KEAP1: variants seen among roughly 807,000 people sequenced by gnomAD.
The protein encoded by KEAP1 is kelch like ECH associated protein 1, also known as kelch-like ECH-associated protein 1.
KEAP1 carries 26 observed loss-of-function variants against 59.7 expected under a neutral mutation model. That is an observed-to-expected ratio of 0.44 (90% CI 0.32 to 0.60). The LOEUF (loss-of-function observed/expected upper bound fraction) is 0.60, where lower values mean the gene tolerates loss of function less well. Ranked by LOEUF, KEAP1 falls within the 20% of genes least tolerant of loss-of-function variation. The probability of loss-of-function intolerance (pLI) is 0.06; values close to 1 mark genes in which losing one functional copy is unlikely to be tolerated. For synonymous variants in KEAP1, 350 were observed against 358.3 expected (o/e 0.98, Z 0.26); for missense variants, 539 against 871.4 (o/e 0.62, Z 4.80).
At position 10,489,636 on chromosome 19, in the gene KEAP1, G is replaced by A. The variant is rs1440265126; in HGVS notation, c.1531+12C>T. 7 of 1,612,762 alleles carry A rather than the reference G, an allele frequency of 4.3e-6. No individual in the cohort carries two copies. The highest frequency in any genetic ancestry group is 4.5e-5 in the East Asian group (2 of 44,886). On this transcript the variant is annotated intron_variant, in intron 4 of 5. Transcript: ENST00000171111. ...GTTCCTGGGTGCTCCCCTCCCTACC[G>A]TCCCCACCCACCTGCCCCGCTTCGG...
chr19:10,493,557 C>CTTTTT (rs756608531), intron 2 of KEAP1, among the ~76,000 whole-genome samples: 12 of 96,292 alleles, frequency 1.2e-4, no homozygotes, highest in Non-Finnish European at 1.6e-4. Flanking sequence ...GTCTCAAACT[C>CTTTTT]TTTTTTTTTT....
rs554294075 is a variant in KEAP1 at position 10,489,796 on chromosome 19, G to A, written c.1383C>T (p.Ile461=). 1.1e-5 allele frequency: 18 copies of A among 1,614,002 alleles called. No homozygotes were observed. The highest frequency in any genetic ancestry group is 5.3e-5 in the African/African-American group (4 of 75,044). ...HLVAPMLTRR[I]GVGVAVLNRL... ...GATTGAGGACAGCCACGCCCACCCC[G>A]ATCCTTCGTGTCAGCATTGGGGCCA... The change falls in exon 4 of 6, where the codon ATC becomes ATT. Residue 461 remains isoleucine, a synonymous_variant. Coordinates refer to ENST00000171111, the MANE Select transcript of KEAP1 (RefSeq NM_203500.2).
At position 10,492,057 on chromosome 19, in the gene KEAP1, T is replaced by A; in HGVS notation, c.845A>T (p.Gln282Leu). The A allele has an allele frequency of 6.2e-7, 1 of 1,614,060 alleles. No individual in the cohort carries two copies. The highest frequency in any genetic ancestry group is 8.5e-7 in the Non-Finnish European group (1 of 1,180,044). ...GATCTCGCACTTCTGCAGCTGCATC[T>A]GCAGGAAGTTCGGCGTCAACGAGTG... is the stretch of plus-strand genomic sequence containing the variant. ...RCHSLTPNFL[Q>L]MQLQKCEILQ... Residue 282 changes from glutamine to leucine, a missense_variant, in exon 3 of 6, where the codon CAG (glutamine) becomes CTG (leucine). Transcript: ENST00000171111.
chr19:10,488,542 G>T (rs1266569609), intron 5 of KEAP1, among the ~76,000 whole-genome samples: 1 of 151,882 alleles, frequency 6.6e-6, no homozygotes, highest in African/African-American at 2.4e-5. Context: ...AAACCAGGAG[G>T]CGGAGGTTGC....
Position 10,486,495 on chromosome 19 carries a change from T to TTC in KEAP1, c.*155_*156dup. On this transcript the variant is annotated 3_prime_UTR_variant, in exon 6 of 6. Transcript: ENST00000171111. The stretch of plus-strand genomic sequence containing the variant: ...GGGGCACATGATTCCCGCTTTGGAC[T>TTC]TCTTTTGAGATGTCATTTTAACACT... The TTC allele has an allele frequency of 1.3e-6, 1 of 764,196 alleles. No homozygotes were observed. Among genetic ancestry groups the TTC allele is most frequent in the Non-Finnish European group, 2.2e-6 (1 of 459,994 alleles). The allele number at this position is 764,196 out of a possible 1,614,324, so 47.3% of individuals were successfully genotyped here.
intron 3 of KEAP1, chr19:10,490,336 CTTTT>C (rs60137738): frequency 7.1e-4 from 70 of 98,082 alleles, no homozygotes; most frequent in Non-Finnish European, 1.1e-3. Context: ...AAGCTTCAAA[CTTTT>C]TTTTTTTTTT....
chr19:10,489,140 A>G (rs2144585455), intron 5 of KEAP1, 52 bp downstream of exon 5: 1 of 1,262,486 alleles, frequency 7.9e-7, no homozygotes. Context: ...AAGCAAAAGC[A>G]GTCCACAAAA....
At chr19:10,493,807 C>T (rs186993891) in intron 2 of KEAP1, among the ~76,000 whole-genome samples, 6 of 151,632 alleles carry the variant, frequency 4.0e-5, no homozygotes, top group African/African-American at 1.5e-4. Context: ...GTGATCCGCC[C>T]GCCTCGGCCT....
chr19:10,500,133 C>A (rs1410056431), intron 1 of KEAP1, 53 bp from the exon 2 acceptor site: 25 of 1,282,352 alleles, frequency 1.9e-5, no homozygotes, highest in Non-Finnish European at 2.5e-5. Flanking sequence ...TGGGCCAGCA[C>A]CTGCCGGGCC....
intron 2 of KEAP1, among the ~76,000 whole-genome samples, chr19:10,492,907 T>C (rs1914722581): frequency 6.8e-6 from 1 of 147,724 alleles, no homozygotes; most frequent in African/African-American, 2.5e-5. Flanking sequence ...CTGCAACCTC[T>C]GCCTCCCAGG....
chr19:10,498,383 T>C (rs1171335881), intron 2 of KEAP1, among the ~76,000 whole-genome samples: 1 of 151,764 alleles, frequency 6.6e-6, no homozygotes, highest in Non-Finnish European at 1.5e-5. Context: ...TTTTTTGTAT[T>C]TTTATTAGAG....
In KEAP1 at chr19:10,491,154, G is replaced by T. The variant is rs1914653895; in HGVS notation, c.1325+423C>A. On this transcript the variant is annotated intron_variant, in intron 3 of 5. Coordinates refer to ENST00000171111, the MANE Select transcript of KEAP1 (RefSeq NM_203500.2). The surrounding 1 kb of genome is among the most constrained non-coding windows in gnomAD (Gnocchi z 5.2). ...GAATCACTTGAACCTGGGAGGCGAG[G>T]TTGCAGTGACCCAAGATGCACTCCA... Among the ~76,000 whole-genome samples the T allele has an allele frequency of 6.6e-6, 1 of 152,008 alleles. No homozygotes were observed. Among genetic ancestry groups the T allele is most frequent in the Admixed American group, 6.6e-5 (1 of 15,234 alleles).
In KEAP1 at chr19:10,489,731, C is replaced by T. The variant is rs867398451; in HGVS notation, c.1448G>A (p.Arg483His). Residue 483 changes from arginine (R) to histidine (H), a missense_variant, in exon 4 of 6, where the codon CGC becomes CAC. Transcript: ENST00000171111. The stretch of plus-strand genomic sequence containing the variant: ...GTAGTAACACTCAGCTGAATTAAGG[C>T]GGTTTGTCCCGTCAAAGCCCCCCAC... ...YAVGGFDGTN[R>H]LNSAECYYPE... 3.1e-6 allele frequency: 5 copies of T among 1,613,942 alleles called. No individual in the cohort carries two copies. Among genetic ancestry groups the T allele is most frequent in the Non-Finnish European group, 4.2e-6 (5 of 1,180,034 alleles).
At chr19:10,501,348 G>C (rs571686744) in intron 1 of KEAP1, among the ~76,000 whole-genome samples, 1 of 151,384 alleles carries the variant, frequency 6.6e-6, no homozygotes, top group Non-Finnish European at 1.5e-5. Context: ...AGATATTCTC[G>C]ACCGGGCGTG....
In KEAP1 at chr19:10,489,364, G is replaced by C. The variant is rs375114071; in HGVS notation, c.1536C>G (p.Val512=). 20 of 1,612,458 alleles carry C rather than the reference G, an allele frequency of 1.2e-5. No homozygotes were observed. The highest frequency in any genetic ancestry group is 5.0e-5 in the Admixed American group (3 of 59,840). The change falls in exon 5 of 6, where the codon GTC becomes GTG. Residue 512 remains valine (V), a synonymous_variant. Transcript: ENST00000171111. The stretch of plus-strand genomic sequence containing the variant: ...CATAGATACAGTTGTGCAGGACGCA[G>C]ACGCCTAAAGGGCACCATGCAGAGA... ...AMNTIRSGAG[V]CVLHNCIYAA...
intron 5 of KEAP1, among the ~76,000 whole-genome samples, chr19:10,487,467 G>A (rs1259738140): frequency 4.2e-4 from 64 of 150,924 alleles, no homozygotes; most frequent in Admixed American, 3.9e-3. Context: ...GGCCAGCCTC[G>A]CCAACAGAGT....
intron 5 of KEAP1, among the ~76,000 whole-genome samples, chr19:10,487,840 C>G (rs1198884176): frequency 6.6e-6 from 1 of 150,582 alleles, no homozygotes; most frequent in African/African-American, 2.4e-5. Flanking sequence ...TACTAAAAAT[C>G]AAAATTGGCC....
intron 2 of KEAP1, among the ~76,000 whole-genome samples, chr19:10,494,620 A>G (rs935498055): frequency 6.8e-6 from 1 of 146,448 alleles, no homozygotes; most frequent in Non-Finnish European, 1.5e-5. Context: ...TACAGGCCTG[A>G]GCCACCGCGC....
At position 10,499,689 on chromosome 19, in the gene KEAP1, C is replaced by A; in HGVS notation, c.345G>T (p.Leu115=). 1 of 1,614,202 alleles carries A rather than the reference C, an allele frequency of 6.2e-7. No individual in the cohort carries two copies. The change falls in exon 2 of 6, where the codon CTG becomes CTT. Residue 115 remains leucine, a synonymous_variant. Coordinates refer to ENST00000171111, the MANE Select transcript of KEAP1 (RefSeq NM_203500.2). The surrounding 1 kb of genome is among the most constrained non-coding windows in gnomAD (Gnocchi z 6.7). The part of the protein sequence containing the change: ...PVFKAMFTNG[L]REQGMEVVSI... ...ACACCACCTCCATGCCCTGCTCCCG[C>A]AGCCCGTTGGTGAACATGGCCTTGA... is the stretch of plus-strand genomic sequence containing the variant.
Sources: allele counts gnomAD v4.1 joint callset (sites outside exome capture counted in the v4.1 genomes callset), GRCh38; gene constraint gnomAD v4.1.1; non-coding constraint Gnocchi (gnomAD v3.1); transcripts MANE v1.5; gene names NCBI Gene and HGNC (gene_info 2026-07-23, HGNC 2026-07-21).